The following DCDC2 variants were observed in gnomAD, a reference collection of about 807,000 sequenced individuals.
DCDC2 encodes doublecortin domain containing 2.
Under a neutral mutation model 50.2 loss-of-function variants are expected in DCDC2, and 40 were observed. That is an observed-to-expected ratio of 0.80 (90% CI 0.62 to 1.04). The LOEUF is 1.04. DCDC2 is among the 50% of genes least tolerant of loss of function. The pLI, the probability that DCDC2 is intolerant of heterozygous loss-of-function variation, is 0.00. For missense variants in DCDC2, 570 were observed against 581.9 expected, an observed-to-expected ratio of 0.98 and a Z score of 0.21; for synonymous variants, 234 against 210.6, an observed-to-expected ratio of 1.11 and a Z score of -0.96.
At chr6:24,208,796 A>G (rs1761785830) in intron 7 of DCDC2, among the ~76,000 whole-genome samples, 1 of 152,118 alleles carries the variant, frequency 6.6e-6, no homozygotes, top group Admixed American at 6.5e-5. Context: ...ATAGACCACA[A>G]TTTTTGTCCT....
At chr6:24,267,952 T>C (rs890563327) in intron 7 of DCDC2, among the ~76,000 whole-genome samples, 1 of 152,208 alleles carries the variant, frequency 6.6e-6, no homozygotes, top group African/African-American at 2.4e-5. Flanking sequence ...TCAGGTAATG[T>C]GTGGAAGCAG....
At chr6:24,253,389 A>C (rs1412431708) in intron 7 of DCDC2, among the ~76,000 whole-genome samples, 1 of 152,232 alleles carries the variant, frequency 6.6e-6, no homozygotes, top group Non-Finnish European at 1.5e-5. Context: ...AAGTGAAATG[A>C]ACTTTACCAA....
chr6:24,350,616 C>T (rs1760351029), intron 2 of DCDC2, among the ~76,000 whole-genome samples: 2 of 152,080 alleles, frequency 1.3e-5, no homozygotes, highest in Non-Finnish European at 2.9e-5. Flanking sequence ...TTACTCATCC[C>T]TCATAATGAC....
chr6:24,207,828 G>A (rs374723015), intron 7 of DCDC2, among the ~76,000 whole-genome samples: 3 of 152,216 alleles, frequency 2.0e-5, no homozygotes, highest in East Asian at 3.9e-4. Context: ...ACACCCACGT[G>A]TCCTCACCCA....
At chr6:24,179,360 A>T (rs1206460537) in intron 8 of DCDC2, among the ~76,000 whole-genome samples, 1 of 151,438 alleles carries the variant, frequency 6.6e-6, no homozygotes, top group Non-Finnish European at 1.5e-5. Flanking sequence ...ATCCTGGCTA[A>T]CATGGTGAAA....
chr6:24,363,062 A>G, the DCDC2 span, among the ~76,000 whole-genome samples: 4 of 152,200 alleles, frequency 2.6e-5, no homozygotes, highest in African/African-American at 9.7e-5. Context: ...AGATGGATGC[A>G]AGGGAATGTT....
chr6:24,191,682 T>C (rs1237405098), intron 8 of DCDC2, among the ~76,000 whole-genome samples: 5 of 152,126 alleles, frequency 3.3e-5, no homozygotes, highest in Non-Finnish European at 7.4e-5. Context: ...GATGGATCAT[T>C]ATGAAAGTGG....
At position 24,173,181 on chromosome 6, in the gene DCDC2, T is replaced by A. The variant is rs972359280; in HGVS notation, c.*1549A>T. On this transcript the variant is annotated 3_prime_UTR_variant, in exon 10 of 10. Coordinates refer to ENST00000378454, the MANE Select transcript of DCDC2 (RefSeq NM_016356.5). The stretch of plus-strand genomic sequence containing the variant: ...TTTCTAATTCATGCTCCCAGATCAC[T>A]ATATCCTTGTGTCATTATCTCTTCC... 1.3e-5 allele frequency: 2 copies of A among 152,004 alleles called. No homozygotes were observed. Among genetic ancestry groups the A allele is most frequent in the African/African-American group, 4.8e-5 (2 of 41,438 alleles). The allele number at this position is 152,004 out of a possible 1,614,324, so 9.4% of individuals were successfully genotyped here. A position where few individuals can be genotyped will look rare whatever the true frequency, so the allele number is the denominator to read the frequency against.
At chr6:24,247,242 G>A (rs1033740403) in intron 7 of DCDC2, among the ~76,000 whole-genome samples, 9 of 152,110 alleles carry the variant, frequency 5.9e-5, no homozygotes, top group Admixed American at 2.6e-4. Context: ...TAAGCATCTG[G>A]GGACTGAGCT....
At chr6:24,322,402 T>C (rs1759788433) in intron 2 of DCDC2, among the ~76,000 whole-genome samples, 1 of 152,154 alleles carries the variant, frequency 6.6e-6, no homozygotes, top group Non-Finnish European at 1.5e-5. Context: ...AAAATATATT[T>C]CCTTGCCATA....
At position 24,258,555 on chromosome 6, in the gene DCDC2, G is replaced by A. The variant is rs577739506; in HGVS notation, c.922+19494C>T. On this transcript the variant is annotated intron_variant, in intron 7 of 9. Transcript: ENST00000378454. ...AGAAAAGTTCTCCAAGTCCCCACCC[G>A]ACCCAGAAGTCCAGCTGGCTTCACC... 1.8e-4 allele frequency among the ~76,000 whole-genome samples: 27 copies of A among 152,186 alleles called. No individual in the cohort carries two copies. In the South Asian group the frequency reaches 4.8e-3, roughly 27 times the overall value.
At chr6:24,176,092 A>C (rs749178234) in intron 9 of DCDC2, among the ~76,000 whole-genome samples, 13 of 152,054 alleles carry the variant, frequency 8.5e-5, no homozygotes, top group Non-Finnish European at 1.5e-4. Flanking sequence ...CAGGAGTTAA[A>C]AACCAGCCTG....
intron 4 of DCDC2, among the ~76,000 whole-genome samples, chr6:24,300,811 G>C (rs1474398015): frequency 1.3e-5 from 2 of 152,006 alleles, no homozygotes; most frequent in African/African-American, 4.8e-5. Flanking sequence ...CCATCTGACG[G>C]AAAATAAATG....
At chr6:24,266,847 T>G (rs1763132962) in intron 7 of DCDC2, among the ~76,000 whole-genome samples, 1 of 152,208 alleles carries the variant, frequency 6.6e-6, no homozygotes, top group African/African-American at 2.4e-5. Flanking sequence ...CAAAGAGATA[T>G]CTGCACTCCA....
chr6:24,273,352 T>A (rs1336827441), intron 7 of DCDC2, among the ~76,000 whole-genome samples: 2 of 152,132 alleles, frequency 1.3e-5, no homozygotes, highest in Non-Finnish European at 2.9e-5. Context: ...CAAGTTATGG[T>A]TACACTAAAA....
chr6:24,267,356 C>T (rs1035523097), intron 7 of DCDC2, among the ~76,000 whole-genome samples: 2 of 152,096 alleles, frequency 1.3e-5, no homozygotes, highest in Admixed American at 1.3e-4. Context: ...ATAGATACCC[C>T]ATTTACTCTA....
chr6:24,292,071 A>G lies in DCDC2; in HGVS notation c.558-993T>C, dbSNP rs372495940. Among the ~76,000 whole-genome samples the G allele has an allele frequency of 6.6e-5, 10 of 152,280 alleles. 1 individual carries two copies. Among genetic ancestry groups the G allele is most frequent in the African/African-American group, 2.4e-4 (10 of 41,544 alleles). Reference sequence around the variant, plus strand: ...CCCAGAATCGAGCAGTTTCACAGTAACCTTCCTTTACTGTAAAACTGCTGC... The same window carrying G: ...CCCAGAATCGAGCAGTTTCACAGTAGCCTTCCTTTACTGTAAAACTGCTGC... On this transcript the variant is annotated intron_variant, in intron 4 of 9. Transcript: ENST00000378454.
intron 7 of DCDC2, among the ~76,000 whole-genome samples, chr6:24,222,768 T>C (rs72830807): frequency 0.093 from 14,077 of 152,156 alleles, 814 homozygotes; most frequent in East Asian, 0.17. Context: ...CAATAGCATA[T>C]CCATAAGGCA....
At chr6:24,328,976 C>T (rs1759922102) in intron 2 of DCDC2, among the ~76,000 whole-genome samples, 1 of 152,076 alleles carries the variant, frequency 6.6e-6, no homozygotes, top group South Asian at 2.1e-4. Flanking sequence ...TAGTTTTTTC[C>T]AGTCTCCACA....
Sources: gnomAD v4.1 joint callset for allele counts (sites outside exome capture counted in the v4.1 genomes callset) on GRCh38, gnomAD v4.1.1 for gene constraint, MANE v1.5 for transcripts, NCBI Gene and HGNC (gene_info 2026-07-23, HGNC 2026-07-21) for gene names.